Variants in PTPRF observed in about 807,000 individuals in gnomAD.
The protein encoded by PTPRF is receptor-type tyrosine-protein phosphatase F.
A neutral mutation model predicts 201.8 loss-of-function variants in PTPRF; 59 were observed. That is an observed-to-expected ratio of 0.29 (90% CI 0.24 to 0.36). PTPRF has a LOEUF of 0.36. Ranked by LOEUF, PTPRF falls within the 10% of genes least tolerant of loss-of-function variation. The pLI, the probability that PTPRF is intolerant of heterozygous loss-of-function variation, is 1.00. For synonymous variants in PTPRF, 1,088 were observed against 1,089.7 expected, an observed-to-expected ratio of 1.00 and a Z score of 0.03; for missense variants, 2,132 against 2,690.5, an observed-to-expected ratio of 0.79 and a Z score of 4.59.
At position 43,531,442 on chromosome 1, in the gene PTPRF, C is replaced by T. The variant is rs1369134933; in HGVS notation, c.-126+352C>T. On this transcript the variant is annotated intron_variant, in intron 1 of 33. Transcript: ENST00000359947. ...AAAGTTTCCCGTTTGCGTTCTTGCT[C>T]CCCCTCATCGGTCCCGCCTCGTCCC... 3.1e-5 allele frequency among the ~76,000 whole-genome samples: 4 copies of T among 127,558 alleles called. No individual in the cohort carries two copies. In the East Asian group the frequency reaches 1.1e-3, roughly 37 times the overall value. 83.7% of individuals were successfully genotyped at this position (127,558 alleles called of 152,430 possible).
In PTPRF at chr1:43,605,285, G is replaced by A; in HGVS notation, c.3231G>A (p.Leu1077=). ...LQPNTEYSFV[L]MNRGSSAGGL... is the part of the protein sequence containing the mutation. ...CCAACACAGAGTACTCGTTTGTGCT[G>A]ATGAACCGTGGCAGCAGCGCAGGGG... The change falls in exon 18 of 34, where the codon CTG becomes CTA. Residue 1077 remains leucine (L), a synonymous_variant. Coordinates refer to ENST00000359947, the MANE Select transcript of PTPRF (RefSeq NM_002840.5). The A allele has an allele frequency of 1.9e-6, 3 of 1,613,170 alleles. No homozygotes were observed. Among genetic ancestry groups the A allele is most frequent in the Admixed American group, 1.7e-5 (1 of 60,020 alleles).
intron 13 of PTPRF, among the ~76,000 whole-genome samples, chr1:43,601,755 GC>G (rs1248997333): frequency 6.6e-6 from 1 of 152,188 alleles, no homozygotes; most frequent in African/African-American, 2.4e-5. Context: ...CTCCCAGCAA[GC>G]CCAAAATTGT....
Position 43,590,960 on chromosome 1 carries a change from C to T in PTPRF, c.950-12C>T, listed in dbSNP as rs752549043. 57 of 1,596,392 alleles carry T rather than the reference C, an allele frequency of 3.6e-5. No individual in the cohort carries two copies. The South Asian group carries it at 5.5e-4, about 16-fold the overall frequency. On this transcript the variant is annotated splice_polypyrimidine_tract_variant and intron_variant, in intron 8 of 33. Transcript: ENST00000359947. ...ACCTCGGGCAGCTTTGAGCCTTCCA[C>T]TTTGTCTCCAGCTCTTCCAAAGCCT...
chr1:43,565,330 A>G (rs111581900), intron 5 of PTPRF, among the ~76,000 whole-genome samples: 228 of 152,282 alleles, frequency 1.5e-3, no homozygotes, highest in African/African-American at 5.3e-3. Context: ...GGGGCAACCA[A>G]ACCTCTCCAC....
rs147491314 is a variant in PTPRF, at chr1:43,546,010, G to T, written c.91+844G>T. 2.6e-5 allele frequency among the ~76,000 whole-genome samples: 4 copies of T among 152,138 alleles called. No homozygotes were observed. Among genetic ancestry groups the T allele is most frequent in the Non-Finnish European group, 5.9e-5 (4 of 68,010 alleles). On this transcript the variant is annotated intron_variant, in intron 3 of 33. Coordinates refer to ENST00000359947, the MANE Select transcript of PTPRF (RefSeq NM_002840.5). The surrounding 1 kb of genome is among the most constrained non-coding windows in gnomAD (Gnocchi z 4.2). ...TCTGCAGGCTGAGGGGGAGGGGCGA[G>T]GTCGGAGCCAAGGTCCCTGGGGGAA... is the stretch of plus-strand genomic sequence containing the variant.
chr1:43,607,118 T>G (rs1557842471), intron 21 of PTPRF, 150 bp downstream of exon 21: 1 of 1,078,274 alleles, frequency 9.3e-7, no homozygotes, highest in African/African-American at 1.6e-5. Context: ...GCAGGAGCAG[T>G]GTGTGTGCCT....
intron 5 of PTPRF, among the ~76,000 whole-genome samples, chr1:43,559,547 C>G (rs985985866): frequency 1.3e-5 from 2 of 149,348 alleles, no homozygotes; most frequent in Non-Finnish European, 3.0e-5. Flanking sequence ...TTATGTGCAG[C>G]AAGGGTGTGC....
intron 5 of PTPRF, among the ~76,000 whole-genome samples, chr1:43,565,902 C>A (rs1035289325): frequency 5.9e-5 from 9 of 152,206 alleles, no homozygotes; most frequent in African/African-American, 1.9e-4. Context: ...GCTCCACCGT[C>A]GCCATGGCTA....
At chr1:43,548,154 G>A (rs1644799736) in intron 3 of PTPRF, among the ~76,000 whole-genome samples, 1 of 138,492 alleles carries the variant, frequency 7.2e-6, no homozygotes, top group South Asian at 2.7e-4. Context: ...GGGTTGCGGG[G>A]AAGAAGCACG....
chr1:43,592,901 C>G (rs936398557), intron 11 of PTPRF, among the ~76,000 whole-genome samples: 2 of 152,192 alleles, frequency 1.3e-5, no homozygotes, highest in South Asian at 2.1e-4. Context: ...TCTCCGCCCC[C>G]ACTCTGTGCT....
chr1:43,576,057 G>A (rs1646906848), intron 6 of PTPRF: 1 of 831,992 alleles, frequency 1.2e-6, no homozygotes, highest in South Asian at 1.4e-5. Flanking sequence ...TCCAGCTCCA[G>A]CACCCCCAAC....
intron 6 of PTPRF, among the ~76,000 whole-genome samples, chr1:43,574,179 A>G (rs2842171): frequency 0.3 from 45,476 of 150,922 alleles, 7,450 homozygotes; most frequent in Middle Eastern, 0.38. Context: ...TATTTTTAGT[A>G]GAGACAGGGT....
chr1:43,551,514 G>A (rs1464107983), intron 3 of PTPRF, among the ~76,000 whole-genome samples: 1 of 152,072 alleles, frequency 6.6e-6, no homozygotes, highest in African/African-American at 2.4e-5. Context: ...CCCTGAGCTG[G>A]CTGCCCGAGC....
rs1231969124 is a variant in PTPRF, at chr1:43,623,170, G to A, written c.*1167G>A. Reference sequence around the variant, plus strand: ...CTGGCCTTTCAGGTCCAGGCCAGTGGGCCTGGTAGCACATGTCTGTCCTCA... The same window carrying A: ...CTGGCCTTTCAGGTCCAGGCCAGTGAGCCTGGTAGCACATGTCTGTCCTCA... On this transcript the variant is annotated 3_prime_UTR_variant, in exon 34 of 34. Coordinates refer to ENST00000359947, the MANE Select transcript of PTPRF (RefSeq NM_002840.5). The A allele has an allele frequency of 6.5e-6, 1 of 152,702 alleles. No individual in the cohort carries two copies. Among genetic ancestry groups the A allele is most frequent in the African/African-American group, 2.4e-5 (1 of 41,466 alleles). 9.5% of individuals were successfully genotyped at this position (152,702 alleles called of 1,614,324 possible).
intron 5 of PTPRF, among the ~76,000 whole-genome samples, chr1:43,565,451 C>G (rs894847333): frequency 2.0e-5 from 3 of 152,224 alleles, no homozygotes; most frequent in Non-Finnish European, 4.4e-5. Flanking sequence ...TCTGCGTGAG[C>G]CGGGGAGACC....
At chr1:43,583,739 C>A (rs539846400) in intron 7 of PTPRF, among the ~76,000 whole-genome samples, 19 of 152,210 alleles carry the variant, frequency 1.2e-4, no homozygotes, top group African/African-American at 4.3e-4. Context: ...GTAGCGTCAT[C>A]TTGGCACCCT....
At chr1:43,612,196 G>A (rs533356230) in intron 22 of PTPRF, among the ~76,000 whole-genome samples, 2 of 152,126 alleles carry the variant, frequency 1.3e-5, no homozygotes, top group African/African-American at 2.4e-5. Flanking sequence ...TGGGAGGACC[G>A]TTGGCTTTGG....
intron 16 of PTPRF, 142 bp from the exon 17 acceptor site, chr1:43,604,761 G>T: frequency 1.4e-5 from 10 of 704,938 alleles, no homozygotes; most frequent in Non-Finnish European, 2.5e-5. Context: ...GCTGGGAGTG[G>T]GGCGCTTGGT....
At chr1:43,619,223 C>G in intron 27 of PTPRF, 21 bp downstream of exon 27, 1 of 1,607,942 alleles carries the variant, frequency 6.2e-7, no homozygotes, top group Non-Finnish European at 8.5e-7. Context: ...ACAGTGCCAC[C>G]CAGAGGGGTG....
Sources: gnomAD v4.1 joint callset for allele counts (sites outside exome capture counted in the v4.1 genomes callset) on GRCh38, gnomAD v4.1.1 for gene constraint, Gnocchi (gnomAD v3.1) non-coding constraint, MANE v1.5 for transcripts, NCBI Gene and HGNC (gene_info 2026-07-23, HGNC 2026-07-21) for gene names.